The following CNOT4 variants were observed in gnomAD, a reference collection of about 807,000 sequenced individuals.
The protein encoded by CNOT4 is CCR4-NOT transcription complex subunit 4.
A neutral mutation model predicts 73.8 loss-of-function variants in CNOT4; 8 were observed. The ratio of observed to expected loss-of-function variants is 0.11; its 90% CI spans 0.06 to 0.20. CNOT4 has a LOEUF of 0.20. CNOT4 is among the 10% of genes least tolerant of loss of function. The pLI is 1.00. For synonymous variants in CNOT4, 293 were observed against 321.1 expected, an observed-to-expected ratio of 0.91 and a Z score of 0.94; for missense variants, 564 against 883.4, an observed-to-expected ratio of 0.64 and a Z score of 4.58.
At chr7:135,395,320 C>T (rs1796617059) in intron 9 of CNOT4, among the ~76,000 whole-genome samples, 1 of 151,958 alleles carries the variant, frequency 6.6e-6, no homozygotes, top group South Asian at 2.1e-4. Flanking sequence ...TGCACTCCAG[C>T]CTGGGCGAGA....
intron 1 of CNOT4, among the ~76,000 whole-genome samples, chr7:135,492,095 T>C (rs150263574): frequency 8.9e-4 from 136 of 152,182 alleles, no homozygotes; most frequent in Non-Finnish European, 9.0e-4. Context: ...GTCCATCAAC[T>C]GAGAGTGAGT....
intron 10 of CNOT4, among the ~76,000 whole-genome samples, chr7:135,380,049 A>C (rs753198228): frequency 3.3e-5 from 5 of 152,180 alleles, no homozygotes; most frequent in Non-Finnish European, 7.3e-5. Flanking sequence ...AGATAGTGAT[A>C]GCATTATCAT....
intron 7 of CNOT4, among the ~76,000 whole-genome samples, chr7:135,399,313 C>T (rs1796878835): frequency 6.6e-6 from 1 of 152,052 alleles, no homozygotes; most frequent in African/African-American, 2.4e-5. Flanking sequence ...CTATATAGTG[C>T]CTAGTGCTCC....
chr7:135,361,797 TCAC>T lies in CNOT4; in HGVS notation c.*1085_*1087del, dbSNP rs1207294868. The T allele has an allele frequency of 6.5e-6, 1 of 152,680 alleles. No individual in the cohort carries two copies. The highest frequency in any genetic ancestry group is 1.9e-4 in the East Asian group (1 of 5,204). The allele number at this position is 152,680 out of a possible 1,614,324, so 9.5% of individuals were successfully genotyped here. A position where few individuals can be genotyped will look rare whatever the true frequency, so the allele number is the denominator to read the frequency against. ...AACAAAAACAAGGACAACCCAAGTG[TCAC>T]CATCAAGTTTTCTGTTTTATTTAAG... On this transcript the variant is annotated 3_prime_UTR_variant, in exon 12 of 12. Transcript: ENST00000541284.
chr7:135,479,783 G>A (rs934862773), intron 1 of CNOT4, among the ~76,000 whole-genome samples: 3 of 151,950 alleles, frequency 2.0e-5, no homozygotes, highest in South Asian at 2.1e-4. Flanking sequence ...CCAGCTACTC[G>A]AGAGGCTGAG....
At chr7:135,390,341 A>G (rs1796336167) in intron 10 of CNOT4, among the ~76,000 whole-genome samples, 1 of 152,168 alleles carries the variant, frequency 6.6e-6, no homozygotes, top group South Asian at 2.1e-4. Context: ...GCTTTCTGGA[A>G]CACAGCTTTG....
intron 1 of CNOT4, among the ~76,000 whole-genome samples, chr7:135,474,144 T>C (rs1041315487): frequency 6.6e-6 from 1 of 151,736 alleles, no homozygotes; most frequent in Admixed American, 6.6e-5. Context: ...TGGGCCCGGC[T>C]AATTTTTGTA....
intron 3 of CNOT4, among the ~76,000 whole-genome samples, chr7:135,416,623 G>C (rs1797887677): frequency 6.6e-6 from 1 of 152,102 alleles, no homozygotes; most frequent in Admixed American, 6.6e-5. Flanking sequence ...ATTCCAGCTG[G>C]ATGCATACCA....
At chr7:135,388,543 T>C in intron 10 of CNOT4, 1 of 1,071,624 alleles carries the variant, frequency 9.3e-7, no homozygotes, top group Middle Eastern at 4.1e-4. Flanking sequence ...CAAGTTTATT[T>C]TTATGAGTTA....
At chr7:135,408,620 G>A (rs931169906) in intron 7 of CNOT4, among the ~76,000 whole-genome samples, 3 of 152,094 alleles carry the variant, frequency 2.0e-5, no homozygotes, top group Non-Finnish European at 1.5e-5. Flanking sequence ...AACCAACCTT[G>A]GCAGGGTCCC....
At chr7:135,404,057 C>T (rs548801324) in intron 7 of CNOT4, among the ~76,000 whole-genome samples, 2 of 152,232 alleles carry the variant, frequency 1.3e-5, no homozygotes, top group South Asian at 4.2e-4. Flanking sequence ...GTGGTTCTAA[C>T]TTCTTTTTTG....
At position 135,449,410 on chromosome 7, in the gene CNOT4, A is replaced by G. The variant is rs1330103290; in HGVS notation, c.-92-10987T>C. Among the ~76,000 whole-genome samples, 6 of 152,230 alleles carry G rather than the reference A, an allele frequency of 3.9e-5. 1 individual carries two copies. The highest frequency in any genetic ancestry group is 4.4e-5 in the Non-Finnish European group (3 of 68,044). Reference sequence around the variant, plus strand: ...TTTCAAAGTTTTAAAAGAAAGAGACACTAGCTGCAAATTTCCAAGAATTGG... The same window carrying G: ...TTTCAAAGTTTTAAAAGAAAGAGACGCTAGCTGCAAATTTCCAAGAATTGG... On this transcript the variant is annotated intron_variant, in intron 1 of 11. Transcript: ENST00000541284.
intron 1 of CNOT4, chr7:135,444,680 C>T: frequency 4.2e-6 from 5 of 1,181,528 alleles, no homozygotes; most frequent in Non-Finnish European, 6.4e-6. Flanking sequence ...GTGTTTTGCT[C>T]CTGGGTCTGC....
intron 3 of CNOT4, among the ~76,000 whole-genome samples, chr7:135,418,518 C>A (rs958025248): frequency 2.0e-5 from 3 of 152,076 alleles, no homozygotes; most frequent in African/African-American, 7.2e-5. Context: ...AGAGAAAAAA[C>A]AAAAACTTGG....
intron 10 of CNOT4, among the ~76,000 whole-genome samples, chr7:135,373,749 T>C (rs1795353445): frequency 6.6e-6 from 1 of 151,746 alleles, no homozygotes; most frequent in South Asian, 2.1e-4. Flanking sequence ...GCTAATTTTT[T>C]TTTTGTATTT....
intron 1 of CNOT4, among the ~76,000 whole-genome samples, chr7:135,477,270 G>C (rs1802054449): frequency 6.6e-6 from 1 of 151,922 alleles, no homozygotes; most frequent in Non-Finnish European, 1.5e-5. Context: ...CTCAACCTGG[G>C]AGGCAGAGGT....
chr7:135,457,542 A>G (rs1800621879), intron 1 of CNOT4, among the ~76,000 whole-genome samples: 1 of 152,066 alleles, frequency 6.6e-6, no homozygotes, highest in South Asian at 2.1e-4. Context: ...AACTTTAAGA[A>G]TAATAAATTA....
intron 1 of CNOT4, among the ~76,000 whole-genome samples, chr7:135,441,817 A>C (rs1373620692): frequency 6.6e-6 from 1 of 152,194 alleles, no homozygotes; most frequent in Non-Finnish European, 1.5e-5. Context: ...AGTTTACAAG[A>C]GTATGTATCT....
rs201665322 is a variant in CNOT4, at chr7:135,484,073, T to C, written c.-93+25816A>G. Reference sequence around the variant, plus strand: ...AGCCAGACGTGGTGGCAGGCGCCTATAGTACCAGTTACTCAAGAGGCTGAG... The same window carrying C: ...AGCCAGACGTGGTGGCAGGCGCCTACAGTACCAGTTACTCAAGAGGCTGAG... On this transcript the variant is annotated intron_variant, in intron 1 of 11. Transcript: ENST00000541284. Among the ~76,000 whole-genome samples, 3 of 152,112 alleles carry C rather than the reference T, an allele frequency of 2.0e-5. No homozygotes were observed. The East Asian group carries it at 5.8e-4, about 30-fold the overall frequency.
Sources: gnomAD v4.1 joint callset for allele counts (sites outside exome capture counted in the v4.1 genomes callset) on GRCh38, gnomAD v4.1.1 for gene constraint, MANE v1.5 for transcripts, NCBI Gene and HGNC (gene_info 2026-07-23, HGNC 2026-07-21) for gene names.